ASCC1: variants seen among roughly 807,000 people sequenced by gnomAD.
The protein encoded by ASCC1 is activating signal cointegrator 1 complex subunit 1, also known as ASC-1 complex subunit P50.
ASCC1 carries 35 observed loss-of-function variants against 46.6 expected under a neutral mutation model. The observed-to-expected ratio is 0.75, with a 90% CI of 0.57 to 0.99. The LOEUF (loss-of-function observed/expected upper bound fraction) is 0.99, where lower values mean the gene tolerates loss of function less well. ASCC1 is among the 50% of genes least tolerant of loss of function. The pLI is 0.00. For synonymous variants in ASCC1, 143 were observed against 146.6 expected, an observed-to-expected ratio of 0.98 and a Z score of 0.18; for missense variants, 376 against 428.7, an observed-to-expected ratio of 0.88 and a Z score of 1.09.
chr10:72,190,765 A>G (rs965825434), intron 5 of ASCC1, among the ~76,000 whole-genome samples: 1 of 151,978 alleles, frequency 6.6e-6, no homozygotes, highest in African/African-American at 2.4e-5. Flanking sequence ...TGGGAAGCCG[A>G]GGAAGACAGA....
intron 9 of ASCC1, among the ~76,000 whole-genome samples, chr10:72,099,074 G>A (rs61853769): frequency 0.025 from 3,805 of 152,200 alleles, 67 homozygotes; most frequent in Non-Finnish European, 0.041. Context: ...AAACTAAAAG[G>A]AAACTCATAA....
At chr10:72,190,261 A>C in intron 5 of ASCC1, 1 of 775,256 alleles carries the variant, frequency 1.3e-6, no homozygotes. Context: ...AATGAGCTGG[A>C]TGTCACTGTG....
At chr10:72,216,930 T>C (rs540857481), upstream of ASCC1, 100 of 456,232 alleles carry the variant, frequency 2.2e-4, no homozygotes, top group African/African-American at 1.9e-3. Flanking sequence ...GTTGTGCGAA[T>C]AGATCTGCAC....
intron 9 of ASCC1, among the ~76,000 whole-genome samples, chr10:72,110,933 T>C (rs1842856193): frequency 6.6e-6 from 1 of 151,852 alleles, no homozygotes; most frequent in African/African-American, 2.4e-5. Flanking sequence ...ATCAACTAAG[T>C]TATTTTCAAC....
chr10:72,214,367 CTTTT>C (rs970289326), intron 1 of ASCC1, among the ~76,000 whole-genome samples: 3 of 88,464 alleles, frequency 3.4e-5, no homozygotes, highest in African/African-American at 4.5e-5. Flanking sequence ...CACAATATCT[CTTTT>C]TTTTTTTTTT....
At chr10:72,133,840 A>G (rs1342221592) in intron 7 of ASCC1, 4 of 159,120 alleles carry the variant, frequency 2.5e-5, no homozygotes, top group African/African-American at 9.6e-5. Flanking sequence ...CATCACTATG[A>G]TGTGTCAGGC....
At chr10:72,109,229 TC>T (rs1385445276) in intron 9 of ASCC1, among the ~76,000 whole-genome samples, 1 of 152,176 alleles carries the variant, frequency 6.6e-6, no homozygotes. Flanking sequence ...CATCGTGGCC[TC>T]TATTAGGAGA....
intron 3 of ASCC1, among the ~76,000 whole-genome samples, chr10:72,208,498 G>A (rs187785810): frequency 2.8e-4 from 42 of 152,204 alleles, no homozygotes; most frequent in African/African-American, 8.7e-4. Flanking sequence ...GGTGGCTCAC[G>A]CCTGTAATCC....
chr10:72,138,500 G>T (rs113940532), intron 7 of ASCC1, among the ~76,000 whole-genome samples: 5 of 152,096 alleles, frequency 3.3e-5, no homozygotes, highest in African/African-American at 9.6e-5. Flanking sequence ...TTACACAGAA[G>T]GAAATGATGC....
chr10:72,106,520 A>T (rs1433535697), intron 9 of ASCC1, among the ~76,000 whole-genome samples: 1 of 151,220 alleles, frequency 6.6e-6, no homozygotes, highest in Non-Finnish European at 1.5e-5. Flanking sequence ...TCTCACAATT[A>T]TCCCGTTTAT....
At chr10:72,155,069 G>A (rs1848793894) in intron 6 of ASCC1, among the ~76,000 whole-genome samples, 1 of 146,304 alleles carries the variant, frequency 6.8e-6, no homozygotes. Flanking sequence ...TATGCTACTT[G>A]TACAAAAGAT....
At chr10:72,117,640 AC>A (rs949779796) in intron 9 of ASCC1, among the ~76,000 whole-genome samples, 4 of 152,180 alleles carry the variant, frequency 2.6e-5, no homozygotes, top group African/African-American at 9.6e-5. Context: ...CTTTTAAATA[AC>A]ATTTTTACTT....
chr10:72,116,989 G>A (rs12779599), intron 9 of ASCC1, among the ~76,000 whole-genome samples: 4 of 152,106 alleles, frequency 2.6e-5, no homozygotes, highest in African/African-American at 9.7e-5. Context: ...CTGGAGTGCA[G>A]TGGCATGATC....
chr10:72,208,998 T>C (rs1462324508), intron 3 of ASCC1, among the ~76,000 whole-genome samples: 3 of 151,874 alleles, frequency 2.0e-5, no homozygotes, highest in Non-Finnish European at 4.4e-5. Flanking sequence ...ACCCTGTCTC[T>C]ACCAAAAATA....
At chr10:72,147,764 G>A (rs903984085) in intron 7 of ASCC1, among the ~76,000 whole-genome samples, 6 of 152,102 alleles carry the variant, frequency 3.9e-5, no homozygotes, top group Admixed American at 6.6e-5. Context: ...CAGATGTTAC[G>A]AAGACTAAAT....
chr10:72,191,789 G>A (rs1409076537), intron 5 of ASCC1, among the ~76,000 whole-genome samples: 2 of 151,858 alleles, frequency 1.3e-5, no homozygotes, highest in African/African-American at 4.8e-5. Flanking sequence ...TGGGATTACA[G>A]GTGCCCGCCA....
chr10:72,160,927 CA>C (rs1302241220), intron 6 of ASCC1, among the ~76,000 whole-genome samples: 1 of 151,380 alleles, frequency 6.6e-6, no homozygotes, highest in Non-Finnish European at 1.5e-5. Flanking sequence ...ACTAAAAATA[CA>C]AAAAATTAGC....
chr10:72,164,287 A>G (rs748538417), intron 5 of ASCC1, among the ~76,000 whole-genome samples: 2 of 151,186 alleles, frequency 1.3e-5, no homozygotes, highest in African/African-American at 2.4e-5. Flanking sequence ...ATAAATAATC[A>G]CTCCTCTTTC....
At chr10:72,123,338 C>CAA (rs1309214553) in intron 9 of ASCC1, among the ~76,000 whole-genome samples, 31 of 58,970 alleles carry the variant, frequency 5.3e-4, no homozygotes, top group African/African-American at 6.6e-4. Flanking sequence ...GACTCCGTCT[C>CAA]AAAAAAAAAA....
Sources: allele counts gnomAD v4.1 joint callset (sites outside exome capture counted in the v4.1 genomes callset), GRCh38; gene constraint gnomAD v4.1.1; transcripts MANE v1.5; gene names NCBI Gene and HGNC (gene_info 2026-07-23, HGNC 2026-07-21).